TMOD1: variants seen among roughly 807,000 people sequenced by gnomAD.
TMOD1 encodes the protein tropomodulin 1.
TMOD1 carries 17 observed loss-of-function variants against 40.6 expected under a neutral mutation model. That is an observed-to-expected ratio of 0.42 (90% CI 0.29 to 0.63). The LOEUF (loss-of-function observed/expected upper bound fraction) is 0.63. TMOD1 is among the 20% of genes least tolerant of loss of function. The probability of loss-of-function intolerance (pLI) is 0.22; values close to 1 mark genes in which losing one functional copy is unlikely to be tolerated. For synonymous variants in TMOD1, 181 were observed against 175.0 expected (o/e 1.03, Z -0.27); for missense variants, 391 against 447.6 (o/e 0.87, Z 1.14).
chr9:97,504,316 A>G (rs910797935), intron 1 of TMOD1, among the ~76,000 whole-genome samples: 1 of 152,124 alleles, frequency 6.6e-6, no homozygotes, highest in Non-Finnish European at 1.5e-5. Context: ...GAAGTTCTCC[A>G]CTTCTTCAGG....
intron 2 of TMOD1, among the ~76,000 whole-genome samples, chr9:97,543,722 C>T (rs1830310183): frequency 6.6e-6 from 1 of 152,200 alleles, no homozygotes; most frequent in South Asian, 2.1e-4. Context: ...TTGATGTTTG[C>T]AGGGCAGTGA....
rs372376285 is a variant in TMOD1, at chr9:97,524,298, T to C, written c.110T>C (p.Leu37Pro). 2.5e-6 allele frequency: 4 copies of C among 1,613,910 alleles called. No homozygotes were observed. In the African/African-American group the frequency reaches 5.3e-5, roughly 22 times the overall value. ...LRTLENELDE[L>P]DPDNALLPAG... ...ACCCTGGAAAATGAGCTGGATGAGC[T>C]GGACCCTGATGTGAGTAGGTGCTAA... Residue 37 changes from leucine (L) to proline (P), a missense_variant, in exon 2 of 10, where the codon CTG (leucine) becomes CCG (proline). Physicochemically the swap from Leu to Pro is moderately conservative, Grantham distance 98. Transcript: ENST00000259365.
intron 3 of TMOD1, among the ~76,000 whole-genome samples, chr9:97,547,218 C>T (rs1830378454): frequency 6.6e-6 from 1 of 151,918 alleles, no homozygotes; most frequent in Non-Finnish European, 1.5e-5. Flanking sequence ...CTGCCCCCCT[C>T]CAATATCCCC....
chr9:97,586,922 A>T lies in TMOD1; in HGVS notation c.871-4369A>T, dbSNP rs1825889541. On this transcript the variant is annotated intron_variant, in intron 8 of 9. Transcript: ENST00000259365. Reference sequence around the variant, plus strand: ...CCACTGTCTGGCACTCCCTAGTAAGATGAACCTGGTACCTCAGATGGAAAT... The same window carrying T: ...CCACTGTCTGGCACTCCCTAGTAAGTTGAACCTGGTACCTCAGATGGAAAT... Among the ~76,000 whole-genome samples, 3 of 152,322 alleles carry T rather than the reference A, an allele frequency of 2.0e-5. No homozygotes were observed. The South Asian group carries it at 6.2e-4, about 32-fold the overall frequency.
At chr9:97,552,358 A>C (rs1587937778) in intron 3 of TMOD1, among the ~76,000 whole-genome samples, 1 of 151,934 alleles carries the variant, frequency 6.6e-6, no homozygotes, top group Non-Finnish European at 1.5e-5. Flanking sequence ...AGCGGTGCAC[A>C]CCCCACCCAC....
intron 6 of TMOD1, among the ~76,000 whole-genome samples, chr9:97,565,604 C>T (rs1168750868): frequency 6.6e-6 from 1 of 152,164 alleles, no homozygotes; most frequent in Non-Finnish European, 1.5e-5. Context: ...CTCTGGCCCC[C>T]AAGTGCACAA....
intron 8 of TMOD1, among the ~76,000 whole-genome samples, chr9:97,588,319 G>A (rs868126929): frequency 1.3e-5 from 2 of 151,990 alleles, no homozygotes; most frequent in Admixed American, 6.5e-5. Context: ...ATCTCATTGT[G>A]GTTTGATTTG....
At chr9:97,544,597 G>A (rs1028792361) in intron 2 of TMOD1, among the ~76,000 whole-genome samples, 2 of 152,006 alleles carry the variant, frequency 1.3e-5, no homozygotes, top group African/African-American at 4.8e-5. Flanking sequence ...CTCCCAAGCT[G>A]TATCCCTCTA....
intron 1 of TMOD1, among the ~76,000 whole-genome samples, chr9:97,507,958 C>T (rs1030098776): frequency 6.6e-6 from 1 of 151,944 alleles, no homozygotes; most frequent in South Asian, 2.1e-4. Flanking sequence ...GGCCAGGGAA[C>T]CTAGGAGCAA....
chr9:97,550,889 T>C (rs540638506), intron 3 of TMOD1, among the ~76,000 whole-genome samples: 1 of 151,576 alleles, frequency 6.6e-6, no homozygotes, highest in East Asian at 1.9e-4. Context: ...GTCCAGTTGA[T>C]CTATTTTTTC....
chr9:97,504,388 A>T (rs2131201744), intron 1 of TMOD1, among the ~76,000 whole-genome samples: 1 of 152,268 alleles, frequency 6.6e-6, no homozygotes, highest in Non-Finnish European at 1.5e-5. Flanking sequence ...TGGATGAGAA[A>T]GGAAGGGAGA....
chr9:97,504,669 T>A (rs1408899912), intron 1 of TMOD1, among the ~76,000 whole-genome samples: 1 of 152,174 alleles, frequency 6.6e-6, no homozygotes, highest in Non-Finnish European at 1.5e-5. Context: ...CAGACCAGTA[T>A]CTGCGATGGA....
chr9:97,538,384 A>G (rs1830219172), intron 2 of TMOD1, among the ~76,000 whole-genome samples: 1 of 152,138 alleles, frequency 6.6e-6, no homozygotes, highest in Admixed American at 6.5e-5. Context: ...TGTTTGTGTG[A>G]CAAGTGCATG....
intron 1 of TMOD1, among the ~76,000 whole-genome samples, chr9:97,518,965 A>G (rs1157851765): frequency 1.3e-5 from 2 of 152,226 alleles, no homozygotes; most frequent in African/African-American, 2.4e-5. Context: ...CATCCTCAAG[A>G]TGTTCACTGT....
chr9:97,601,372 T>C lies in TMOD1; in HGVS notation c.*1674T>C. The C allele has an allele frequency of 1.8e-6, 2 of 1,087,546 alleles. No individual in the cohort carries two copies. The highest frequency in any genetic ancestry group is 4.5e-5 in the South Asian group (2 of 44,584). The allele number at this position is 1,087,546 out of a possible 1,614,324, so 67.4% of individuals were successfully genotyped here. ...ATGACCTCAGTAAGAATGTGTCATGTATTCCAGGTGCTGATCTAAAAACTG... is the reference window on the plus strand; with the variant it reads ...ATGACCTCAGTAAGAATGTGTCATGCATTCCAGGTGCTGATCTAAAAACTG... On this transcript the variant is annotated 3_prime_UTR_variant, in exon 10 of 10. Coordinates refer to ENST00000259365, the MANE Select transcript of TMOD1 (RefSeq NM_003275.4).
chr9:97,601,625 G>C lies in TMOD1; in HGVS notation c.*1927G>C, dbSNP rs1433877015. 1 of 985,492 alleles carries C rather than the reference G, an allele frequency of 1.0e-6. No individual in the cohort carries two copies. The highest frequency in any genetic ancestry group is 1.2e-6 in the Non-Finnish European group (1 of 829,632). The allele number at this position is 985,492 out of a possible 1,614,324, so 61.0% of individuals were successfully genotyped here. A position where few individuals can be genotyped will look rare whatever the true frequency, so the allele number is the denominator to read the frequency against. On this transcript the variant is annotated 3_prime_UTR_variant, in exon 10 of 10. Transcript: ENST00000259365. ...AAACTTTTCTGTAAAAGGCCAGACA[G>C]TAAAAATTTCCGATTTTGCAGGCCA...
At chr9:97,578,909 G>T (rs998689125) in intron 8 of TMOD1, among the ~76,000 whole-genome samples, 1 of 152,166 alleles carries the variant, frequency 6.6e-6, no homozygotes, top group African/African-American at 2.4e-5. Context: ...CTCAAGGAGA[G>T]GCCAGGGTTC....
At position 97,600,586 on chromosome 9, in the gene TMOD1, G is replaced by C. The variant is rs752370017; in HGVS notation, c.*888G>C. 2.0e-6 allele frequency: 2 copies of C among 986,118 alleles called. No homozygotes were observed. The highest frequency in any genetic ancestry group is 3.5e-5 in the African/African-American group (2 of 57,238). 61.1% of individuals were successfully genotyped at this position (986,118 alleles called of 1,614,324 possible). On this transcript the variant is annotated 3_prime_UTR_variant, in exon 10 of 10. Coordinates refer to ENST00000259365, the MANE Select transcript of TMOD1 (RefSeq NM_003275.4). ...AAGACACTAGAGGGATAAATTTCCA[G>C]ATCAACATGGCTATGGTATTTAGTA...
At chr9:97,568,855 G>A (rs781015616) in intron 7 of TMOD1, 39 bp from the exon 8 acceptor site, 2 of 1,608,500 alleles carry the variant, frequency 1.2e-6, no homozygotes, top group African/African-American at 2.7e-5. Context: ...CTTGCTCGGG[G>A]TGACTCATGG....
Sources: allele counts gnomAD v4.1 joint callset (sites outside exome capture counted in the v4.1 genomes callset), GRCh38; gene constraint gnomAD v4.1.1; transcripts MANE v1.5; gene names NCBI Gene and HGNC (gene_info 2026-07-23, HGNC 2026-07-21).